DNAJC16: variants seen among roughly 807,000 people sequenced by gnomAD.
The protein encoded by DNAJC16 is dnaJ homolog subfamily C member 16.
Under a neutral mutation model 92.7 loss-of-function variants are expected in DNAJC16, and 76 were observed. The ratio of observed to expected loss-of-function variants is 0.82; its 90% CI spans 0.68 to 0.99. DNAJC16 has a LOEUF of 0.99. Ranked by LOEUF, DNAJC16 falls within the 50% of genes least tolerant of loss-of-function variation. DNAJC16 has a pLI of 0.00. For missense variants in DNAJC16, 869 were observed against 942.4 expected, an observed-to-expected ratio of 0.92 and a Z score of 1.02; for synonymous variants, 328 against 358.7, an observed-to-expected ratio of 0.91 and a Z score of 0.97.
intron 7 of DNAJC16, among the ~76,000 whole-genome samples, chr1:15,549,492 G>C (rs1638391129): frequency 6.6e-6 from 1 of 152,070 alleles, no homozygotes; most frequent in South Asian, 2.1e-4. Context: ...AGTCAACCAG[G>C]TCCAAAACAT....
intron 2 of DNAJC16, among the ~76,000 whole-genome samples, chr1:15,530,470 C>T (rs1184020374): frequency 6.6e-6 from 1 of 152,164 alleles, no homozygotes; most frequent in African/African-American, 2.4e-5. Context: ...ATGCCTTGGC[C>T]ATGCCAAAGA....
chr1:15,563,415 A>G (rs72645830), intron 9 of DNAJC16, among the ~76,000 whole-genome samples: 42,026 of 151,628 alleles, frequency 0.28, 6,670 homozygotes, highest in African/African-American at 0.43. Context: ...TGTAGTCCCA[A>G]CTACTCAGCA....
chr1:15,537,869 G>A (rs753779813), intron 4 of DNAJC16, among the ~76,000 whole-genome samples: 2 of 152,170 alleles, frequency 1.3e-5, no homozygotes, highest in Non-Finnish European at 2.9e-5. Flanking sequence ...CACTGCGCGC[G>A]TACTGCTTCA....
chr1:15,549,500 C>T lies in DNAJC16; in HGVS notation c.1023+1072C>T, dbSNP rs1038110999. Among the ~76,000 whole-genome samples, 11 of 152,154 alleles carry T rather than the reference C, an allele frequency of 7.2e-5. 1 individual carries two copies. The highest frequency in any genetic ancestry group is 1.5e-4 in the Non-Finnish European group (10 of 68,032). ...TACCCACAGTCAACCAGGTCCAAAA[C>T]ATAGGTGACTACAGTGCAAGAAGAT... On this transcript the variant is annotated intron_variant, in intron 7 of 14. Coordinates refer to ENST00000375847, the MANE Select transcript of DNAJC16 (RefSeq NM_015291.4).
intron 7 of DNAJC16, 141 bp from the exon 8 acceptor site, chr1:15,559,385 C>A: frequency 9.0e-7 from 1 of 1,109,532 alleles, no homozygotes; most frequent in Non-Finnish European, 1.3e-6. Context: ...TGTTTATTCG[C>A]TCAAACAGGT....
chr1:15,552,907 A>G (rs1315998878), intron 7 of DNAJC16, among the ~76,000 whole-genome samples: 1 of 150,070 alleles, frequency 6.7e-6, no homozygotes, highest in Non-Finnish European at 1.5e-5. Context: ...AGCTGGGACT[A>G]CAGGCACAAG....
chr1:15,543,473 A>G (rs1360184874), intron 4 of DNAJC16, among the ~76,000 whole-genome samples: 3 of 152,210 alleles, frequency 2.0e-5, no homozygotes, highest in South Asian at 2.1e-4. Flanking sequence ...AGAAGAGGGC[A>G]TGGGGAACCA....
At chr1:15,548,785 T>A (rs1434585161) in intron 7 of DNAJC16, among the ~76,000 whole-genome samples, 1 of 152,110 alleles carries the variant, frequency 6.6e-6, no homozygotes, top group Non-Finnish European at 1.5e-5. Flanking sequence ...AGGAAAGGGT[T>A]AAAAAGCATT....
At chr1:15,564,177 G>A (rs1638757792) in intron 10 of DNAJC16, 66 bp downstream of exon 10, 2 of 1,595,684 alleles carry the variant, frequency 1.3e-6, no homozygotes, top group African/African-American at 2.7e-5. Flanking sequence ...GCTGGTGGCG[G>A]ATTTCTGCTC....
In DNAJC16 at chr1:15,539,891, G is replaced by A. The variant is rs953617736; in HGVS notation, c.574+3077G>A. On this transcript the variant is annotated intron_variant, in intron 4 of 14. Coordinates refer to ENST00000375847, the MANE Select transcript of DNAJC16 (RefSeq NM_015291.4). ...GAAAATACAAAAATTAGCCAGGCGT[G>A]GTGGTGCGTGCCTGTAATCTCAGCT... Among the ~76,000 whole-genome samples, 10 of 152,158 alleles carry A rather than the reference G, an allele frequency of 6.6e-5. No homozygotes were observed. The East Asian group carries it at 1.9e-3, about 29-fold the overall frequency.
chr1:15,532,956 A>AT (rs1419735569), intron 2 of DNAJC16, among the ~76,000 whole-genome samples: 2 of 151,834 alleles, frequency 1.3e-5, no homozygotes, highest in African/African-American at 2.4e-5. Context: ...TAAGTTGTAG[A>AT]TTTTTTTTTA....
chr1:15,530,569 A>G (rs1251605334), intron 2 of DNAJC16, among the ~76,000 whole-genome samples: 1 of 152,242 alleles, frequency 6.6e-6, no homozygotes. Flanking sequence ...ACCAACCATG[A>G]GGAATGGAAG....
intron 9 of DNAJC16, 43 bp downstream of exon 9, chr1:15,562,368 A>G: frequency 1.3e-6 from 2 of 1,525,992 alleles, no homozygotes; most frequent in Non-Finnish European, 1.8e-6. Context: ...CTTCATAACC[A>G]TGTGGCACTT....
chr1:15,529,775 A>G (rs183809215), intron 2 of DNAJC16, among the ~76,000 whole-genome samples: 1 of 152,144 alleles, frequency 6.6e-6, no homozygotes, highest in African/African-American at 2.4e-5. Flanking sequence ...CTTGATATCC[A>G]TGAGGTCTTG....
intron 5 of DNAJC16, among the ~76,000 whole-genome samples, chr1:15,546,015 A>C (rs1417108683): frequency 2.6e-5 from 4 of 152,212 alleles, no homozygotes; most frequent in Admixed American, 2.6e-4. Flanking sequence ...GTTTAAAAAG[A>C]GCAAGCTGGC....
chr1:15,535,485 C>G (rs918264962), intron 3 of DNAJC16, among the ~76,000 whole-genome samples: 1 of 152,148 alleles, frequency 6.6e-6, no homozygotes, highest in East Asian at 1.9e-4. Flanking sequence ...AGTGGCTGCT[C>G]ACGCCCTGTA....
Position 15,571,339 on chromosome 1 carries a change from G to A in DNAJC16, c.*3162G>A, listed in dbSNP as rs150303036. 1,700 of 152,508 alleles carry A rather than the reference G, an allele frequency of 0.011. 11 individuals carry two copies. Among genetic ancestry groups the A allele is most frequent in the Non-Finnish European group, 0.018 (1,241 of 68,028 alleles). 9.4% of individuals were successfully genotyped at this position (152,508 alleles called of 1,614,324 possible). On this transcript the variant is annotated 3_prime_UTR_variant, in exon 15 of 15. Coordinates refer to ENST00000375847, the MANE Select transcript of DNAJC16 (RefSeq NM_015291.4). ...TTTTTTTAGTGATTTCCTTTGTTTGGGAATAGAGATTGGAAGCACATACTC... is the reference window on the plus strand; with the variant it reads ...TTTTTTTAGTGATTTCCTTTGTTTGAGAATAGAGATTGGAAGCACATACTC...
At chr1:15,562,518 T>C (rs1465000559) in intron 9 of DNAJC16, among the ~76,000 whole-genome samples, 193 bp downstream of exon 9, 1 of 151,140 alleles carries the variant, frequency 6.6e-6, no homozygotes, top group African/African-American at 2.4e-5. Context: ...AGGGTCTCAC[T>C]CTGTCTCCCA....
chr1:15,544,528 G>C lies in DNAJC16; in HGVS notation c.704G>C (p.Arg235Pro), dbSNP rs78309148. The change falls in exon 5 of 15, where the codon CGT becomes CCT. Residue 235 changes from arginine (R) to proline (P), a missense_variant. Arg to Pro is a moderately radical substitution (Grantham distance 103). Transcript: ENST00000375847. ...KISFFHNAVV[R>P]ENLRQFVESL... is the part of the protein sequence containing the mutation. ...TCCTTCTTCCACAATGCAGTTGTCC[G>C]TGAAAATCTGCGACAATTTGTAGAA... is the stretch of plus-strand genomic sequence containing the variant. 1 of 1,614,150 alleles carries C rather than the reference G, an allele frequency of 6.2e-7. No individual in the cohort carries two copies. Among genetic ancestry groups the C allele is most frequent in the Non-Finnish European group, 8.5e-7 (1 of 1,180,020 alleles).
Sources: gnomAD v4.1 joint callset for allele counts (sites outside exome capture counted in the v4.1 genomes callset) on GRCh38, gnomAD v4.1.1 for gene constraint, MANE v1.5 for transcripts, NCBI Gene and HGNC (gene_info 2026-07-23, HGNC 2026-07-21) for gene names.